SRGAP1: variants seen among roughly 807,000 people sequenced by gnomAD.
SRGAP1 encodes the protein SLIT-ROBO Rho GTPase activating protein 1.
In SRGAP1, 43 loss-of-function variants were observed where a neutral mutation model predicts 121.9. The observed-to-expected ratio is 0.35, with a 90% CI of 0.28 to 0.46. The LOEUF is 0.46. Among genes scored for constraint, SRGAP1 ranks in the 20% least tolerant of loss-of-function variants. The pLI is 1.00. For synonymous variants in SRGAP1, 447 were observed against 485.4 expected, an observed-to-expected ratio of 0.92 and a Z score of 1.04; for missense variants, 1,102 against 1,350.9, an observed-to-expected ratio of 0.82 and a Z score of 2.89.
At chr12:63,943,620 T>C (rs1180606540) in intron 1 of SRGAP1, among the ~76,000 whole-genome samples, 1 of 152,214 alleles carries the variant, frequency 6.6e-6, no homozygotes, top group Non-Finnish European at 1.5e-5. Flanking sequence ...ATGTTTTTTT[T>C]CTAGGGGTAT....
intron 8 of SRGAP1, 25 bp downstream of exon 8, chr12:64,065,244 AC>A (rs1172874931): frequency 1.2e-5 from 19 of 1,560,196 alleles, no homozygotes; most frequent in Non-Finnish European, 1.4e-5. Context: ...GTCCTGCCAC[AC>A]CAGTAATCTG....
At chr12:63,848,483 TC>T (rs1482311860) in intron 1 of SRGAP1, among the ~76,000 whole-genome samples, 7 of 152,160 alleles carry the variant, frequency 4.6e-5, no homozygotes, top group Admixed American at 3.3e-4. Flanking sequence ...ACTTAGCCTT[TC>T]TCTGGGTTTC....
At chr12:64,070,880 T>C (rs1409413616) in intron 8 of SRGAP1, among the ~76,000 whole-genome samples, 1 of 152,202 alleles carries the variant, frequency 6.6e-6, no homozygotes, top group Non-Finnish European at 1.5e-5. Context: ...TCCCAGGTCA[T>C]GTAAGTCAAT....
In SRGAP1 at chr12:63,914,371, CTTTTTG is replaced by C. The variant is rs771347579; in HGVS notation, c.67+69494_67+69499del. On this transcript the variant is annotated intron_variant, in intron 1 of 21. Transcript: ENST00000355086. Reference sequence around the variant, plus strand: ...ATGGATTCTAGCTGCTTATCTGTTCCTTTTTGTTTTTAGTGACCTGATTATGGCTTG... The same window carrying C: ...ATGGATTCTAGCTGCTTATCTGTTCCTTTTTAGTGACCTGATTATGGCTTG... 1.3e-3 allele frequency among the ~76,000 whole-genome samples: 192 copies of C among 152,142 alleles called. 3 individuals carry two copies. The highest frequency in any genetic ancestry group is 3.1e-4 in the Non-Finnish European group (21 of 67,980).
chr12:63,866,722 ACTTTTTTTTTT>A (rs1160820418), intron 1 of SRGAP1, among the ~76,000 whole-genome samples: 1 of 150,300 alleles, frequency 6.7e-6, no homozygotes, highest in Non-Finnish European at 1.5e-5. Context: ...GTTAATATAG[ACTTTTTTTTTT>A]CTTTTTTTTT....
At chr12:64,111,459 G>C (rs1175336209) in intron 16 of SRGAP1, among the ~76,000 whole-genome samples, 3 of 152,132 alleles carry the variant, frequency 2.0e-5, no homozygotes, top group Admixed American at 6.6e-5. Flanking sequence ...AACATTTAGA[G>C]CTTGACCGTC....
At chr12:64,128,524 A>G (rs1482727919) in intron 21 of SRGAP1, among the ~76,000 whole-genome samples, 1 of 152,224 alleles carries the variant, frequency 6.6e-6, no homozygotes. Context: ...TGGCCCTGCC[A>G]GATCCTAAAT....
intron 3 of SRGAP1, among the ~76,000 whole-genome samples, chr12:63,997,838 G>C (rs2033756276): frequency 6.6e-6 from 1 of 152,106 alleles, no homozygotes; most frequent in Non-Finnish European, 1.5e-5. Flanking sequence ...AAAATAGGAA[G>C]ACATGAAATC....
intron 4 of SRGAP1, among the ~76,000 whole-genome samples, chr12:64,030,084 C>A (rs1407866693): frequency 6.6e-6 from 1 of 152,070 alleles, no homozygotes; most frequent in Non-Finnish European, 1.5e-5. Flanking sequence ...ATGTCGAAAT[C>A]TCTGGTAATT....
chr12:64,155,396 T>G lies in SRGAP1; in HGVS notation c.*12724T>G, dbSNP rs1199109536. On this transcript the variant is annotated 3_prime_UTR_variant, in exon 22 of 22. Transcript: ENST00000355086. Reference sequence around the variant, plus strand: ...ATCTCTACTAAAAATACAAAAAAATTAGCCGGGTGTGGTGGCGCCCGCCTA... The same window carrying G: ...ATCTCTACTAAAAATACAAAAAAATGAGCCGGGTGTGGTGGCGCCCGCCTA... The G allele has an allele frequency of 5.9e-5, 9 of 151,598 alleles. No individual in the cohort carries two copies. Among genetic ancestry groups the G allele is most frequent in the Non-Finnish European group, 1.3e-4 (9 of 67,982 alleles). The allele number at this position is 151,598 out of a possible 1,614,324, so 9.4% of individuals were successfully genotyped here.
chr12:64,014,644 G>A (rs542425000), intron 3 of SRGAP1, among the ~76,000 whole-genome samples: 1 of 113,084 alleles, frequency 8.8e-6, no homozygotes, highest in African/African-American at 4.0e-5. Flanking sequence ...AAATCATCTT[G>A]TCCTAAAGAT....
intron 1 of SRGAP1, among the ~76,000 whole-genome samples, chr12:63,962,801 A>C (rs888571428): frequency 1.3e-5 from 2 of 152,186 alleles, no homozygotes; most frequent in African/African-American, 4.8e-5. Flanking sequence ...CTTCGTGGCT[A>C]TTCAGGGTTT....
intron 12 of SRGAP1, among the ~76,000 whole-genome samples, chr12:64,093,761 A>T (rs996435686): frequency 2.0e-5 from 3 of 152,176 alleles, no homozygotes; most frequent in Admixed American, 1.3e-4. Context: ...GAAAAACTTA[A>T]TACAGTCTCC....
intron 1 of SRGAP1, among the ~76,000 whole-genome samples, chr12:63,877,002 T>C (rs972991818): frequency 6.6e-6 from 1 of 152,168 alleles, no homozygotes; most frequent in African/African-American, 2.4e-5. Flanking sequence ...GGCAGGCAGA[T>C]CATCTGAGGT....
intron 4 of SRGAP1, among the ~76,000 whole-genome samples, chr12:64,030,193 C>T (rs1182048563): frequency 4.6e-5 from 7 of 151,906 alleles, no homozygotes; most frequent in Admixed American, 4.6e-4. Flanking sequence ...AAGAAGAAAA[C>T]ATAATTGGAT....
At chr12:63,850,921 C>T (rs1035568087) in intron 1 of SRGAP1, among the ~76,000 whole-genome samples, 18 of 150,880 alleles carry the variant, frequency 1.2e-4, no homozygotes, top group African/African-American at 4.4e-4. Flanking sequence ...TTTGGGAGGC[C>T]GAGGCGGGTG....
intron 3 of SRGAP1, among the ~76,000 whole-genome samples, chr12:63,990,517 G>T (rs1034862998): frequency 4.3e-4 from 66 of 152,144 alleles, no homozygotes; most frequent in Admixed American, 3.3e-4. Context: ...GGGCGACAGA[G>T]TGAGACTCCG....
intron 15 of SRGAP1, 42 bp from the exon 16 acceptor site, chr12:64,108,890 G>A (rs1216147845): frequency 4.1e-6 from 6 of 1,452,032 alleles, no homozygotes; most frequent in Non-Finnish European, 5.7e-6. Context: ...TTTTAAATGT[G>A]GCAAGTGAAA....
At chr12:64,026,586 A>G (rs1477153115) in intron 4 of SRGAP1, among the ~76,000 whole-genome samples, 15 of 152,210 alleles carry the variant, frequency 9.9e-5, no homozygotes, top group Non-Finnish European at 4.4e-5. Context: ...CAAATTAAGA[A>G]CCAGGCGCAG....
Sources: gnomAD v4.1 joint callset for allele counts (sites outside exome capture counted in the v4.1 genomes callset) on GRCh38, gnomAD v4.1.1 for gene constraint, MANE v1.5 for transcripts, NCBI Gene and HGNC (gene_info 2026-07-23, HGNC 2026-07-21) for gene names.